Variants in RHBDD3 observed in about 807,000 individuals in gnomAD.
The protein encoded by RHBDD3 is rhomboid domain containing 3, also known as rhomboid domain-containing protein 3.
A neutral mutation model predicts 32.3 loss-of-function variants in RHBDD3; 34 were observed. The ratio of observed to expected loss-of-function variants is 1.05; its 90% confidence interval spans 0.80 to 1.40. The LOEUF (loss-of-function observed/expected upper bound fraction) is 1.40, where lower values mean the gene tolerates loss of function less well. Ranked by LOEUF, RHBDD3 falls within the 40% of genes most tolerant of loss-of-function variation. The pLI, the probability that RHBDD3 is intolerant of heterozygous loss-of-function variation, is 0.00. For missense variants in RHBDD3, 482 were observed against 492.6 expected (o/e 0.98, Z 0.20); for synonymous variants, 249 against 239.1 (o/e 1.04, Z -0.38).
rs780485025 is a variant in RHBDD3, at chr22:29,260,246, G to A, written c.984-9C>T. On this transcript the variant is annotated splice_polypyrimidine_tract_variant and intron_variant, in intron 6 of 6. Transcript: ENST00000216085. ...GCTCCAGCTGCTGCAGCCTGTTGGG[G>A]GTGGGGGGAGAAGTGGGGAGTGTCA... 4 of 1,601,808 alleles carry A rather than the reference G, an allele frequency of 2.5e-6. No homozygotes were observed. Among genetic ancestry groups the A allele is most frequent in the Non-Finnish European group, 3.4e-6 (4 of 1,175,042 alleles).
chr22:29,263,691 G>A, intron 4 of RHBDD3, 144 bp downstream of exon 4: 1 of 1,374,742 alleles, frequency 7.3e-7, no homozygotes, highest in South Asian at 1.7e-5. Flanking sequence ...TGTCCCAGAG[G>A]AAGACTCAGA....
Position 29,260,585 on chromosome 22 carries a change from C to A in RHBDD3, c.724G>T (p.Ala242Ser), listed in dbSNP as rs139677866. The A allele has an allele frequency of 1.9e-6, 3 of 1,596,798 alleles. No homozygotes were observed. In the African/African-American group the frequency reaches 4.0e-5, roughly 21 times the overall value. Reference sequence around the variant, plus strand: ...CAGTGGGACCAGAGGTCAGGGGAGGCCACATAAGGCGGTCCAGGGATGGGA... The same window carrying A: ...CAGTGGGACCAGAGGTCAGGGGAGGACACATAAGGCGGTCCAGGGATGGGA... ...RPPIPGPPYV[A>S]SPDLWSHWED... Residue 242 changes from alanine to serine, a missense_variant, in exon 6 of 7, where the codon GCC (alanine) becomes TCC (serine). Transcript: ENST00000216085.
chr22:29,261,663 A>C (rs2058122488), intron 4 of RHBDD3, among the ~76,000 whole-genome samples: 1 of 152,020 alleles, frequency 6.6e-6, no homozygotes, highest in Non-Finnish European at 1.5e-5. Context: ...TTATTTATTT[A>C]TTTATTTTTG....
intron 4 of RHBDD3, chr22:29,261,699 G>C (rs1424810653): frequency 5.2e-6 from 1 of 193,506 alleles, no homozygotes; most frequent in East Asian, 1.7e-4. Context: ...CTGTCACCCA[G>C]GCTGATATGC....
intron 2 of RHBDD3, 123 bp from the exon 3 acceptor site, chr22:29,265,791 A>T (rs990083097): frequency 6.0e-6 from 6 of 1,007,224 alleles, no homozygotes; most frequent in Non-Finnish European, 8.2e-6. Flanking sequence ...ACGCAGGCCC[A>T]GCAGCTTGGC....
chr22:29,260,960 C>T lies in RHBDD3; in HGVS notation c.533-96G>A, dbSNP rs530430298. 11 of 1,222,076 alleles carry T rather than the reference C, an allele frequency of 9.0e-6. No homozygotes were observed. In the South Asian group the frequency reaches 1.7e-4, roughly 19 times the overall value. 75.7% of individuals were successfully genotyped at this position (1,222,076 alleles called of 1,614,324 possible). ...CCAGGCCCCATGCCAAGTGTGCTGGCCACCATTCCCTCCCGTCTCCTCACT... is the reference window on the plus strand; with the variant it reads ...CCAGGCCCCATGCCAAGTGTGCTGGTCACCATTCCCTCCCGTCTCCTCACT... On this transcript the variant is annotated intron_variant, in intron 4 of 6. Coordinates refer to ENST00000216085, the MANE Select transcript of RHBDD3 (RefSeq NM_012265.3).
At chr22:29,267,018 CT>C (rs1328457305) in intron 2 of RHBDD3, among the ~76,000 whole-genome samples, 1 of 152,252 alleles carries the variant, frequency 6.6e-6, no homozygotes, top group Admixed American at 6.5e-5. Flanking sequence ...GTGGTCTGAG[CT>C]CATGGCTCCT....
At chr22:29,264,709 C>T (rs1208511476) in intron 3 of RHBDD3, 3 of 160,352 alleles carry the variant, frequency 1.9e-5, no homozygotes, top group African/African-American at 7.2e-5. Flanking sequence ...TGAGGTCACT[C>T]CTCAAAACCC....
At chr22:29,266,036 C>T (rs1361937150) in intron 2 of RHBDD3, among the ~76,000 whole-genome samples, 1 of 152,240 alleles carries the variant, frequency 6.6e-6, no homozygotes, top group Non-Finnish European at 1.5e-5. Flanking sequence ...TCCTCCCCTC[C>T]CCTGTTCCCA....
In RHBDD3 at chr22:29,260,397, C is replaced by A; in HGVS notation, c.912G>T (p.Ser304=). The A allele has an allele frequency of 1.2e-6, 2 of 1,612,298 alleles. No homozygotes were observed. Residue 304 remains serine (S), a synonymous_variant, in exon 6 of 7, where the codon TCG becomes TCT. Transcript: ENST00000216085. ...EQMLQEGIQA[S]LLDGPAQEPQ... ...GTTCCTGGGCTGGCCCGTCAAGAAG[C>A]GAGGCCTGGATGCCCTCCTGCAGCA...
chr22:29,265,629 C>A lies in RHBDD3; in HGVS notation c.-3G>T. ...CCATGGGGGCCCCTGGCATGCATCG[C>A]TTGGTTGAGGACGGTCAAGGGTGGT... On this transcript the variant is annotated 5_prime_UTR_variant, in exon 3 of 7. Coordinates refer to ENST00000216085, the MANE Select transcript of RHBDD3 (RefSeq NM_012265.3). The A allele has an allele frequency of 6.3e-7, 1 of 1,584,856 alleles. No individual in the cohort carries two copies. Among genetic ancestry groups the A allele is most frequent in the Non-Finnish European group, 8.6e-7 (1 of 1,169,370 alleles).
chr22:29,262,697 A>G (rs2146516773), intron 4 of RHBDD3, among the ~76,000 whole-genome samples: 1 of 152,106 alleles, frequency 6.6e-6, no homozygotes, highest in African/African-American at 2.4e-5. Flanking sequence ...CTTTCCATTC[A>G]CTTAGGCTTT....
chr22:29,265,622 T>C lies in RHBDD3; in HGVS notation c.5A>G (p.His2Arg), dbSNP rs765917659. 1.4e-5 allele frequency: 22 copies of C among 1,586,450 alleles called. No individual in the cohort carries two copies. Among genetic ancestry groups the C allele is most frequent in the Non-Finnish European group, 1.8e-5 (21 of 1,169,984 alleles). The change falls in exon 3 of 7, where the codon CAT becomes CGT. Residue 2 changes from histidine to arginine, a missense_variant. By Grantham distance (29) the His-to-Arg change is conservative. Transcript: ENST00000216085. ...CAGTTGGCCATGGGGGCCCCTGGCA[T>C]GCATCGCTTGGTTGAGGACGGTCAA... M[H>R]ARGPHGQLSP...
intron 5 of RHBDD3, 35 bp from the exon 6 acceptor site, chr22:29,260,648 C>T: frequency 6.4e-7 from 1 of 1,556,562 alleles, no homozygotes; most frequent in Non-Finnish European, 8.7e-7. Context: ...GCCTGACTGG[C>T]AGCCCTGCCA....
rs896340227 is a variant in RHBDD3 at position 29,265,407 on chromosome 22, C to T, written c.148+72G>A. On this transcript the variant is annotated intron_variant, in intron 3 of 6. Coordinates refer to ENST00000216085, the MANE Select transcript of RHBDD3 (RefSeq NM_012265.3). ...TTTGACCCCTGGAGGCCTTGTGCTG[C>T]TCCTGCCAAGTGGGCCCAGGCCCTA... is the stretch of plus-strand genomic sequence containing the variant. The T allele has an allele frequency of 4.5e-6, 6 of 1,338,606 alleles. No homozygotes were observed. In the African/African-American group the frequency reaches 9.2e-5, roughly 20 times the overall value. 82.9% of individuals were successfully genotyped at this position (1,338,606 alleles called of 1,614,324 possible). A position where few individuals can be genotyped will look rare whatever the true frequency, so the allele number is the denominator to read the frequency against.
Position 29,267,766 on chromosome 22 carries a change from A to C in RHBDD3, c.-213T>G. The C allele has an allele frequency of 5.8e-6, 1 of 171,694 alleles. No homozygotes were observed. Among genetic ancestry groups the C allele is most frequent in the Non-Finnish European group, 1.3e-5 (1 of 78,878 alleles). 10.6% of individuals were successfully genotyped at this position (171,694 alleles called of 1,614,324 possible). On this transcript the variant is annotated 5_prime_UTR_variant, in exon 1 of 7. Coordinates refer to ENST00000216085, the MANE Select transcript of RHBDD3 (RefSeq NM_012265.3). ...TACTCACTGCAGAGCGCGCCCGGCA[A>C]CCCCGAAAGGCCGGTCGGGGACCCC...
chr22:29,260,181 G>C lies in RHBDD3; in HGVS notation c.1040C>G (p.Ala347Gly), dbSNP rs1247932476. 6.3e-7 allele frequency: 1 copy of C among 1,591,134 alleles called. No individual in the cohort carries two copies. Among genetic ancestry groups the C allele is most frequent in the African/African-American group, 1.3e-5 (1 of 74,636 alleles). ...FPTEQAVVAL[A>G]ATGRVEGAVS... Reference sequence around the variant, plus strand: ...GGCACCCTCCACACGGCCTGTGGCTGCCAGTGCCACCACCGCCTGCTCCGT... The same window carrying C: ...GGCACCCTCCACACGGCCTGTGGCTCCCAGTGCCACCACCGCCTGCTCCGT... Residue 347 changes from alanine (A) to glycine (G), a missense_variant, in exon 7 of 7, where the codon GCA becomes GGA. By Grantham distance (60) the Ala-to-Gly change is moderately conservative. Transcript: ENST00000216085.
chr22:29,264,076 G>A lies in RHBDD3; in HGVS notation c.291C>T (p.Ala97=). The A allele has an allele frequency of 6.3e-7, 1 of 1,582,346 alleles. No homozygotes were observed. Among genetic ancestry groups the A allele is most frequent in the South Asian group, 1.2e-5 (1 of 86,376 alleles). Residue 97 remains alanine (A), a synonymous_variant, in exon 4 of 7, where the codon GCC becomes GCT. Coordinates refer to ENST00000216085, the MANE Select transcript of RHBDD3 (RefSeq NM_012265.3). ...GCACTGCCAGCAGCCCAGAAGCCAG[G>A]GCGAGCAGGGCTGAGGCATGCAGGA... ...LRFLHASALL[A]LASGLLAVLL...
At chr22:29,266,945 C>T (rs1033896551) in intron 2 of RHBDD3, among the ~76,000 whole-genome samples, 2 of 152,208 alleles carry the variant, frequency 1.3e-5, no homozygotes, top group African/African-American at 4.8e-5. Context: ...CCTCCTCTGG[C>T]CCCCTAACAT....
Sources: allele counts gnomAD v4.1 joint callset (sites outside exome capture counted in the v4.1 genomes callset), GRCh38; gene constraint gnomAD v4.1.1; transcripts MANE v1.5; gene names NCBI Gene and HGNC (gene_info 2026-07-23, HGNC 2026-07-21).